SLC9A8: variants seen among roughly 807,000 people sequenced by gnomAD.
SLC9A8 encodes solute carrier family 9 member A8.
SLC9A8 carries 48 observed loss-of-function variants against 66.6 expected under a neutral mutation model. The ratio of observed to expected loss-of-function variants is 0.72; its 90% CI spans 0.57 to 0.92. The LOEUF (loss-of-function observed/expected upper bound fraction) is 0.92. Among genes scored for constraint, SLC9A8 ranks in the 40% least tolerant of loss-of-function variants. SLC9A8 has a pLI of 0.00. For missense variants in SLC9A8, 599 were observed against 747.3 expected (o/e 0.80, Z 2.31); for synonymous variants, 274 against 282.6 (o/e 0.97, Z 0.31).
chr20:49,859,520 C>G (rs1364767489), intron 8 of SLC9A8, among the ~76,000 whole-genome samples: 1 of 150,508 alleles, frequency 6.6e-6, no homozygotes, highest in Non-Finnish European at 1.5e-5. Flanking sequence ...AAATATGCTC[C>G]TGGGAGCTGT....
Position 49,880,935 on chromosome 20 carries a change from A to G in SLC9A8, c.1170A>G (p.Leu390=), listed in dbSNP as rs140495695. The G allele has an allele frequency of 2.8e-4, 446 of 1,611,956 alleles. No homozygotes were observed. The highest frequency in any genetic ancestry group is 3.4e-4 in the Non-Finnish European group (406 of 1,178,198). The stretch of plus-strand genomic sequence containing the variant: ...GTTGCTATCAACAGGTGCTTGTACT[A>G]TTTGGCAGAGCGGTAAACATTTTCC... The part of the protein sequence containing the change: ...SFVIWCIVLV[L]FGRAVNIFPL... The change falls in exon 13 of 16, where the codon CTA becomes CTG. Residue 390 remains leucine, a synonymous_variant. Transcript: ENST00000361573.
chr20:49,834,333 G>A (rs1270922629), intron 3 of SLC9A8, among the ~76,000 whole-genome samples: 4 of 80,314 alleles, frequency 5.0e-5, no homozygotes, highest in African/African-American at 1.3e-4. Flanking sequence ...TATATACTGT[G>A]TATATATATA....
Position 49,863,051 on chromosome 20 carries a change from G to T in SLC9A8, c.836G>T (p.Gly279Val), listed in dbSNP as rs763155870. The part of the protein sequence containing the change: ...FGSAALGTLT[G>V]LISALVLKHI... ...TCTGCAGCGCTCGGCACTCTCACTG[G>T]CTTAATTTCTGCATTAATATCCTTT... Residue 279 changes from glycine (G) to valine (V), a missense_variant, in exon 9 of 16, where the codon GGC (glycine) becomes GTC (valine). Physicochemically the swap from Gly to Val is moderately radical, Grantham distance 109. Around this residue, in one of 2 missense-constraint regions of SLC9A8, gnomAD observed 467 missense variants for 626.5 expected, o/e 0.75. Coordinates refer to ENST00000361573, the MANE Select transcript of SLC9A8 (RefSeq NM_015266.3). 4 of 1,612,760 alleles carry T rather than the reference G, an allele frequency of 2.5e-6. No homozygotes were observed. Among genetic ancestry groups the T allele is most frequent in the Non-Finnish European group, 3.4e-6 (4 of 1,179,550 alleles).
Position 49,877,970 on chromosome 20 carries a change from G to A in SLC9A8, c.1076-11G>A. On this transcript the variant is annotated splice_polypyrimidine_tract_variant and intron_variant, in intron 11 of 15. Transcript: ENST00000361573. ...TTGGGGTTGAATAATCCATTCTTTG[G>A]TTTGTTTCAGAAACATGTGTGTTTG... 6.3e-7 allele frequency: 1 copy of A among 1,578,164 alleles called. No homozygotes were observed. Among genetic ancestry groups the A allele is most frequent in the Non-Finnish European group, 8.6e-7 (1 of 1,166,764 alleles).
chr20:49,823,880 A>C (rs1191937849), intron 3 of SLC9A8, among the ~76,000 whole-genome samples: 1 of 152,198 alleles, frequency 6.6e-6, no homozygotes, highest in Non-Finnish European at 1.5e-5. Flanking sequence ...ACTAGTTTCT[A>C]CTTGCCTACT....
At chr20:49,841,148 T>C (rs1395113185) in intron 4 of SLC9A8, among the ~76,000 whole-genome samples, 1 of 151,744 alleles carries the variant, frequency 6.6e-6, no homozygotes, top group Non-Finnish European at 1.5e-5. Flanking sequence ...CTTCTAAAAA[T>C]ACGAAAAAGT....
chr20:49,814,954 T>C, intron 1 of SLC9A8, 54 bp from the exon 2 acceptor site: 1 of 1,374,276 alleles, frequency 7.3e-7, no homozygotes, highest in Non-Finnish European at 9.8e-7. Flanking sequence ...GGTGTGTGAA[T>C]TGATGTTTTG....
intron 8 of SLC9A8, among the ~76,000 whole-genome samples, chr20:49,862,314 T>C (rs1472884651): frequency 1.3e-5 from 2 of 151,896 alleles, no homozygotes; most frequent in Non-Finnish European, 2.9e-5. Flanking sequence ...CAGGCTGGAG[T>C]GTAGTTGTGC....
At position 49,823,281 on chromosome 20, in the gene SLC9A8, G is replaced by T. The variant is rs949731616; in HGVS notation, c.289+140G>T. 28 of 728,562 alleles carry T rather than the reference G, an allele frequency of 3.8e-5. No individual in the cohort carries two copies. The East Asian group carries it at 7.2e-4, about 19-fold the overall frequency. The allele number at this position is 728,562 out of a possible 1,614,324, so 45.1% of individuals were successfully genotyped here. On this transcript the variant is annotated intron_variant, in intron 3 of 15. Transcript: ENST00000361573. Reference sequence around the variant, plus strand: ...ATCCTCACTGCAACCTGCCCTAAGGGTGCTATGATCCCATTTTACAGATGA... The same window carrying T: ...ATCCTCACTGCAACCTGCCCTAAGGTTGCTATGATCCCATTTTACAGATGA...
At chr20:49,858,677 G>A (rs2088605679) in intron 8 of SLC9A8, among the ~76,000 whole-genome samples, 1 of 152,040 alleles carries the variant, frequency 6.6e-6, no homozygotes, top group African/African-American at 2.4e-5. Context: ...CCAAGATGGG[G>A]CCAGGCATGG....
intron 10 of SLC9A8, among the ~76,000 whole-genome samples, chr20:49,870,285 A>G (rs149457253): frequency 6.6e-6 from 1 of 152,246 alleles, no homozygotes; most frequent in Non-Finnish European, 1.5e-5. Flanking sequence ...TCCAGGTGGC[A>G]AGAAATGACA....
intron 5 of SLC9A8, among the ~76,000 whole-genome samples, chr20:49,847,331 G>T (rs1046055597): frequency 3.3e-5 from 5 of 149,500 alleles, no homozygotes; most frequent in Admixed American, 2.0e-4. Context: ...ACTTGATTTT[G>T]ACTTAAAAAC....
intron 3 of SLC9A8, chr20:49,830,683 CGATAG>C: frequency 1.5e-6 from 1 of 663,452 alleles, no homozygotes; most frequent in South Asian, 1.7e-5. Context: ...TGCTTCCAGG[CGATAG>C]GGAAGACCTC....
At chr20:49,832,213 C>A (rs2087232766) in intron 3 of SLC9A8, among the ~76,000 whole-genome samples, 1 of 152,144 alleles carries the variant, frequency 6.6e-6, no homozygotes, top group South Asian at 2.1e-4. Context: ...TTCTTTGGCC[C>A]AGACCCAGCC....
In SLC9A8 at chr20:49,815,201, C is replaced by G; in HGVS notation, c.208+12C>G. 1.3e-6 allele frequency: 2 copies of G among 1,511,336 alleles called. No individual in the cohort carries two copies. Among genetic ancestry groups the G allele is most frequent in the Non-Finnish European group, 1.8e-6 (2 of 1,125,112 alleles). The allele number at this position is 1,511,336 out of a possible 1,614,324, so 93.6% of individuals were successfully genotyped here. Reference sequence around the variant, plus strand: ...CCTCCTTGTCCTAGGTGAATATGGACACTGTCATCCCCATCATCTGCCATC... The same window carrying G: ...CCTCCTTGTCCTAGGTGAATATGGAGACTGTCATCCCCATCATCTGCCATC... On this transcript the variant is annotated intron_variant, in intron 2 of 15. Coordinates refer to ENST00000361573, the MANE Select transcript of SLC9A8 (RefSeq NM_015266.3).
chr20:49,832,333 G>T (rs939128544), intron 3 of SLC9A8, among the ~76,000 whole-genome samples: 3 of 152,254 alleles, frequency 2.0e-5, no homozygotes, highest in Middle Eastern at 3.4e-3. Context: ...TCTGTCGGGG[G>T]TGAAAAGAAC....
At chr20:49,839,494 T>G (rs755661116) in intron 3 of SLC9A8, 47 bp from the exon 4 acceptor site, 10 of 1,293,846 alleles carry the variant, frequency 7.7e-6, no homozygotes, top group East Asian at 2.3e-5. Flanking sequence ...TTGAGTAATC[T>G]TTCTCATATC....
intron 3 of SLC9A8, among the ~76,000 whole-genome samples, chr20:49,831,576 T>C (rs2087198151): frequency 1.3e-5 from 2 of 152,096 alleles, no homozygotes; most frequent in Non-Finnish European, 2.9e-5. Flanking sequence ...TTCCCACAGC[T>C]TCCCCAAGAG....
intron 2 of SLC9A8, among the ~76,000 whole-genome samples, chr20:49,816,521 C>T (rs1302073801): frequency 1.3e-5 from 2 of 151,920 alleles, no homozygotes; most frequent in Non-Finnish European, 2.9e-5. Context: ...GTTGTCATAC[C>T]AGGCTGATAT....
Sources: gnomAD v4.1 joint callset for allele counts (sites outside exome capture counted in the v4.1 genomes callset) on GRCh38, gnomAD v4.1.1 for gene constraint, gnomAD v4.1.1 regional missense constraint, MANE v1.5 for transcripts, NCBI Gene and HGNC (gene_info 2026-07-23, HGNC 2026-07-21) for gene names.